The following PAX1 variants were observed in gnomAD, a reference collection of about 807,000 sequenced individuals.
PAX1 encodes the protein paired box 1.
PAX1 carries 18 observed loss-of-function variants against 35.6 expected under a neutral mutation model. The observed-to-expected ratio is 0.50, with a 90% CI of 0.35 to 0.75. The LOEUF (loss-of-function observed/expected upper bound fraction) is 0.75, where lower values mean the gene tolerates loss of function less well. Ranked by LOEUF, PAX1 falls within the 30% of genes least tolerant of loss-of-function variation. The pLI, the probability that PAX1 is intolerant of heterozygous loss-of-function variation, is 0.01. For missense variants in PAX1, 760 were observed against 661.5 expected (o/e 1.15, Z -1.63); for synonymous variants, 397 against 305.2 (o/e 1.30, Z -3.14).
intron 4 of PAX1, 40 bp downstream of exon 4, chr20:21,709,484 G>A (rs916310934): frequency 4.2e-6 from 6 of 1,421,060 alleles, no homozygotes; most frequent in Non-Finnish European, 5.6e-6. Context: ...ATGCTGGAAG[G>A]GTTAGGAAGG....
At position 21,708,626 on chromosome 20, in the gene PAX1, A is replaced by G. The variant is rs762899238; in HGVS notation, c.985A>G (p.Thr329Ala). 6 of 1,613,466 alleles carry G rather than the reference A, an allele frequency of 3.7e-6. 1 individual carries two copies. The highest frequency in any genetic ancestry group is 3.3e-5 in the South Asian group (3 of 91,082). Reference protein sequence around the residue: ...KMEDWAGVNRTAFPATPAVNG... With the variant: ...KMEDWAGVNRAAFPATPAVNG... ...GGAAGACTGGGCCGGCGTGAACCGC[A>G]CGGCCTTCCCCGCCACCCCCGCAGT... Residue 329 changes from threonine to alanine, a missense_variant, in exon 3 of 5, where the codon ACG becomes GCG. Thr to Ala is a moderately conservative substitution (Grantham distance 58). Transcript: ENST00000613128.
At position 21,706,466 on chromosome 20, in the gene PAX1, G is replaced by T. The variant is rs1172660610; in HGVS notation, c.315G>T (p.Leu105=). 3.1e-6 allele frequency: 5 copies of T among 1,611,000 alleles called. No homozygotes were observed. The highest frequency in any genetic ancestry group is 2.7e-5 in the African/African-American group (2 of 74,928). ...AGACGTATGGCGAGGTGAACCAGCT[G>T]GGCGGTGTGTTCGTCAACGGCCGCC... is the stretch of plus-strand genomic sequence containing the variant. ...MEQTYGEVNQ[L]GGVFVNGRPL... Residue 105 remains leucine, a synonymous_variant, in exon 2 of 5, where the codon CTG becomes CTT. Coordinates refer to ENST00000613128, the MANE Select transcript of PAX1 (RefSeq NM_001257096.2). The surrounding 1 kb of genome is among the most constrained non-coding windows in gnomAD (Gnocchi z 5.3).
At chr20:21,710,567 G>T (rs1329602230) in intron 4 of PAX1, among the ~76,000 whole-genome samples, 1 of 152,124 alleles carries the variant, frequency 6.6e-6, no homozygotes, top group Admixed American at 6.5e-5. Context: ...AAGCGAGGTG[G>T]ATGTAGTGGC....
Position 21,705,960 on chromosome 20 carries a change from A to C in PAX1, c.248A>C (p.His83Pro). Reference sequence around the variant, plus strand: ...GGGCCCAGCCCCGGCCACCCCGGCCACCCCGGCGCCAGGCAGCTGGCCGGC... The same window carrying C: ...GGGCCCAGCCCCGGCCACCCCGGCCCCCCCGGCGCCAGGCAGCTGGCCGGC... ...CAGPSPGHPG[H>P]PGARQLAGPL... The change falls in exon 1 of 5, where the codon CAC (histidine) becomes CCC (proline). Residue 83 changes from histidine to proline, a missense_variant. Coordinates refer to ENST00000613128, the MANE Select transcript of PAX1 (RefSeq NM_001257096.2). The C allele has an allele frequency of 6.7e-7, 1 of 1,486,294 alleles. No individual in the cohort carries two copies. The highest frequency in any genetic ancestry group is 1.3e-5 in the South Asian group (1 of 77,376). The allele number at this position is 1,486,294 out of a possible 1,614,324, so 92.1% of individuals were successfully genotyped here. A position where few individuals can be genotyped will look rare whatever the true frequency, so the allele number is the denominator to read the frequency against.
In PAX1 at chr20:21,707,000, G is replaced by T. The variant is rs759106354; in HGVS notation, c.849G>T (p.Pro283=). 1 of 1,613,010 alleles carries T rather than the reference G, an allele frequency of 6.2e-7. No individual in the cohort carries two copies. Among genetic ancestry groups the T allele is most frequent in the East Asian group, 2.2e-5 (1 of 44,852 alleles). ...VPGTAGHVSI[P]RSWPSAHSVS... ...GCACGGCGGGCCACGTCAGCATCCC[G>T]CGCTCATGGCCCTCGGCACACTCGG... is the stretch of plus-strand genomic sequence containing the variant. Residue 283 remains proline, a synonymous_variant, in exon 2 of 5, where the codon CCG becomes CCT. Coordinates refer to ENST00000613128, the MANE Select transcript of PAX1 (RefSeq NM_001257096.2). This position sits in a 1 kb window ranked among gnomAD's most constrained non-coding sequence, Gnocchi z 5.3.
At position 21,715,955 on chromosome 20, in the gene PAX1, C is replaced by G. The variant is rs1349258833; in HGVS notation, c.*1393C>G. 3 of 152,246 alleles carry G rather than the reference C, an allele frequency of 2.0e-5. No homozygotes were observed. Among genetic ancestry groups the G allele is most frequent in the Admixed American group, 1.3e-4 (2 of 15,260 alleles). The allele number at this position is 152,246 out of a possible 1,614,324, so 9.4% of individuals were successfully genotyped here. On this transcript the variant is annotated 3_prime_UTR_variant, in exon 5 of 5. Transcript: ENST00000613128. ...CATCGCCTGTTAAAGGTGGCTGCCT[C>G]TGAATAAAGGAAAGCGTCTGAAAGG...
rs1985322504 is a variant in PAX1, at chr20:21,714,991, G to A, written c.*429G>A. 1 of 659,598 alleles carries A rather than the reference G, an allele frequency of 1.5e-6. No homozygotes were observed. Among genetic ancestry groups the A allele is most frequent in the Non-Finnish European group, 2.7e-6 (1 of 371,358 alleles). 40.9% of individuals were successfully genotyped at this position (659,598 alleles called of 1,614,324 possible). On this transcript the variant is annotated 3_prime_UTR_variant, in exon 5 of 5. Coordinates refer to ENST00000613128, the MANE Select transcript of PAX1 (RefSeq NM_001257096.2). ...TCCCTTCCTCCCTACCTTCCACCCC[G>A]GCTTTCCCCGACCTTCCAGGGCTCC...
In PAX1 at chr20:21,706,506, A is replaced by G. The variant is rs1350167369; in HGVS notation, c.355A>G (p.Ile119Val). Residue 119 changes from isoleucine (I) to valine (V), a missense_variant, in exon 2 of 5, where the codon ATC (isoleucine) becomes GTC (valine). Ile to Val is a conservative substitution (Grantham distance 29). Around this residue, in one of 3 missense-constraint regions of PAX1, gnomAD observed 48 missense variants for 80.0 expected, o/e 0.60. Coordinates refer to ENST00000613128, the MANE Select transcript of PAX1 (RefSeq NM_001257096.2). The surrounding 1 kb of genome is among the most constrained non-coding windows in gnomAD (Gnocchi z 5.3). ...FVNGRPLPNA[I>V]RLRIVELAQL... The stretch of plus-strand genomic sequence containing the variant: ...CAACGGCCGCCCCCTGCCCAACGCC[A>G]TCCGCTTGCGCATTGTGGAGCTGGC... The G allele has an allele frequency of 1.9e-6, 3 of 1,612,314 alleles. No homozygotes were observed. Among genetic ancestry groups the G allele is most frequent in the Non-Finnish European group, 2.5e-6 (3 of 1,179,798 alleles).
Position 21,709,380 on chromosome 20 carries a change from C to G in PAX1, c.1218C>G (p.Ala406=), listed in dbSNP as rs761345173. ...AQGPPLAPPG[A]GVAVHGGELA... Reference sequence around the variant, plus strand: ...GTCCTCCTCTGGCGCCCCCCGGGGCCGGCGTAGCTGTGCATGGCGGGGAAC... The same window carrying G: ...GTCCTCCTCTGGCGCCCCCCGGGGCGGGCGTAGCTGTGCATGGCGGGGAAC... Residue 406 remains alanine, a synonymous_variant, in exon 4 of 5, where the codon GCC becomes GCG. Coordinates refer to ENST00000613128, the MANE Select transcript of PAX1 (RefSeq NM_001257096.2). 3.2e-6 allele frequency: 5 copies of G among 1,564,460 alleles called. No homozygotes were observed. The highest frequency in any genetic ancestry group is 4.3e-6 in the Non-Finnish European group (5 of 1,159,086).
intron 4 of PAX1, among the ~76,000 whole-genome samples, chr20:21,713,380 T>TG (rs1555805030): frequency 0.017 from 2,256 of 135,828 alleles, 24 homozygotes; most frequent in Middle Eastern, 0.065. Context: ...TTTCTTTTTT[T>TG]TTTGTGTGTG....
intron 4 of PAX1, among the ~76,000 whole-genome samples, chr20:21,709,974 A>G (rs796681761): frequency 4.0e-5 from 6 of 151,736 alleles, no homozygotes; most frequent in African/African-American, 1.5e-4. Context: ...AGAGAAAAAA[A>G]GGCGTTTGGA....
chr20:21,708,977 T>C (rs1985106058), intron 3 of PAX1, among the ~76,000 whole-genome samples: 1 of 152,218 alleles, frequency 6.6e-6, no homozygotes, highest in Non-Finnish European at 1.5e-5. Flanking sequence ...CTTCTTTCTC[T>C]AAATCCCGAT....
intron 4 of PAX1, 104 bp from the exon 5 acceptor site, chr20:21,714,367 G>GT: frequency 1.2e-6 from 1 of 812,550 alleles, no homozygotes; most frequent in East Asian, 2.7e-5. Context: ...GCCTTCAAGG[G>GT]TTGAGCGCTC....
chr20:21,708,778 A>C, intron 3 of PAX1, 78 bp downstream of exon 3: 1 of 1,484,572 alleles, frequency 6.7e-7, no homozygotes, highest in Non-Finnish European at 9.4e-7. Flanking sequence ...AAGAGAGAGA[A>C]AGAAAAGAAA....
Position 21,713,651 on chromosome 20 carries a change from A to C in PAX1, c.1283-820A>C, listed in dbSNP as rs184451223. ...AGAAGCAGAGTGGCTCAAGGTTGGG[A>C]AAGGAAAAACAGGCTTGCGCAATCG... is the stretch of plus-strand genomic sequence containing the variant. On this transcript the variant is annotated intron_variant, in intron 4 of 4. Coordinates refer to ENST00000613128, the MANE Select transcript of PAX1 (RefSeq NM_001257096.2). Among the ~76,000 whole-genome samples the C allele has an allele frequency of 2.9e-4, 44 of 152,282 alleles. 1 individual carries two copies. Among genetic ancestry groups the C allele is most frequent in the African/African-American group, 9.9e-4 (41 of 41,562 alleles).
In PAX1 at chr20:21,717,798, T is replaced by C. The variant is rs781036789; in HGVS notation, c.*3236T>C. On this transcript the variant is annotated 3_prime_UTR_variant, in exon 5 of 5. Transcript: ENST00000613128. Reference sequence around the variant, plus strand: ...TGAAAGAATAGAAATAATATATGCGTATCACTAAAAAACTCAAGCAGTACA... The same window carrying C: ...TGAAAGAATAGAAATAATATATGCGCATCACTAAAAAACTCAAGCAGTACA... The C allele has an allele frequency of 2.6e-5, 4 of 152,204 alleles. No individual in the cohort carries two copies. Among genetic ancestry groups the C allele is most frequent in the Non-Finnish European group, 5.9e-5 (4 of 68,038 alleles). The allele number at this position is 152,204 out of a possible 1,614,324, so 9.4% of individuals were successfully genotyped here.
At position 21,709,440 on chromosome 20, in the gene PAX1, A is replaced by T; in HGVS notation, c.1278A>T (p.Arg426=). 1.3e-6 allele frequency: 2 copies of T among 1,527,322 alleles called. No individual in the cohort carries two copies. Among genetic ancestry groups the T allele is most frequent in the Admixed American group, 2.0e-5 (1 of 49,138 alleles). The allele number at this position is 1,527,322 out of a possible 1,614,324, so 94.6% of individuals were successfully genotyped here. A position where few individuals can be genotyped will look rare whatever the true frequency, so the allele number is the denominator to read the frequency against. ...CAATGACCTTCAAGCATCCCAGCCG[A>T]GAAGGTGAGGAGCGCAGGGAGTGGG... ...AAAMTFKHPS[R]EVADRKPPSS... Residue 426 remains arginine, a synonymous_variant, in exon 4 of 5, where the codon CGA becomes CGT. Coordinates refer to ENST00000613128, the MANE Select transcript of PAX1 (RefSeq NM_001257096.2).
chr20:21,709,155 T>C, intron 3 of PAX1, 67 bp from the exon 4 acceptor site: 1 of 1,212,242 alleles, frequency 8.2e-7, no homozygotes. Context: ...AACCCCCGTC[T>C]CAGTGATGGC....
At chr20:21,707,212 G>A (rs902050836) in intron 2 of PAX1, 145 bp downstream of exon 2, 14 of 906,014 alleles carry the variant, frequency 1.5e-5, no homozygotes, top group Non-Finnish European at 2.2e-5. Context: ...GAGGCTGGGG[G>A]TCCTGGGCCT....
Sources: allele counts gnomAD v4.1 joint callset (sites outside exome capture counted in the v4.1 genomes callset), GRCh38; gene constraint gnomAD v4.1.1; regional missense constraint gnomAD v4.1.1; non-coding constraint Gnocchi (gnomAD v3.1); transcripts MANE v1.5; gene names NCBI Gene and HGNC (gene_info 2026-07-23, HGNC 2026-07-21).